ROBO2: variants seen among roughly 807,000 people sequenced by gnomAD.
The protein encoded by ROBO2 is roundabout guidance receptor 2.
In ROBO2, 53 loss-of-function variants were observed where a neutral mutation model predicts 160.8. The observed-to-expected ratio is 0.33, with a 90% CI of 0.26 to 0.41. The LOEUF is 0.41. Among genes scored for constraint, ROBO2 ranks in the 10% least tolerant of loss-of-function variants. The pLI is 1.00. For missense variants in ROBO2, 1,577 were observed against 1,722.4 expected (o/e 0.92, Z 1.49); for synonymous variants, 664 against 611.7 (o/e 1.09, Z -1.26).
chr3:75,938,925 T>A (rs902916516), intron 2 of ROBO2, among the ~76,000 whole-genome samples: 7 of 152,166 alleles, frequency 4.6e-5, no homozygotes, highest in African/African-American at 1.7e-4. Flanking sequence ...TAAAATATAT[T>A]TAATACACAT....
intron 2 of ROBO2, among the ~76,000 whole-genome samples, chr3:77,224,061 G>C (rs1280250330): frequency 6.6e-6 from 1 of 151,926 alleles, no homozygotes; most frequent in Non-Finnish European, 1.5e-5. Flanking sequence ...CCACTTCTAT[G>C]TTTTAAGGTA....
At chr3:76,059,264 C>G (rs1434793955) in intron 2 of ROBO2, among the ~76,000 whole-genome samples, 5 of 151,368 alleles carry the variant, frequency 3.3e-5, no homozygotes, top group Non-Finnish European at 5.9e-5. Flanking sequence ...ACAGTCCCAC[C>G]AACAGTGTAA....
intron 2 of ROBO2, among the ~76,000 whole-genome samples, chr3:77,421,675 A>C (rs1412110180): frequency 1.3e-5 from 2 of 152,134 alleles, no homozygotes; most frequent in East Asian, 3.8e-4. Flanking sequence ...TGAGCATAAT[A>C]GTGTTAAAAA....
At chr3:77,477,830 C>CTTTTTTTTTTTT (rs11371687) in intron 3 of ROBO2, among the ~76,000 whole-genome samples, 2 of 84,472 alleles carry the variant, frequency 2.4e-5, no homozygotes, top group East Asian at 4.0e-4. Context: ...TATTTTAGCT[C>CTTTTTTTTTTTT]TTTTTTTTTT....
chr3:76,422,262 C>T (rs551226848), intron 2 of ROBO2, among the ~76,000 whole-genome samples: 3 of 152,302 alleles, frequency 2.0e-5, no homozygotes, highest in South Asian at 2.1e-4. Flanking sequence ...ACTCTAGTCT[C>T]TCCCAAATGT....
intron 2 of ROBO2, among the ~76,000 whole-genome samples, chr3:77,290,207 T>G (rs1420711617): frequency 3.7e-3 from 368 of 99,302 alleles, no homozygotes; most frequent in Middle Eastern, 0.019. Context: ...AAACGGGTAA[T>G]CTGAGGCTAG....
At chr3:77,551,324 C>T (rs1359391094) in intron 8 of ROBO2, among the ~76,000 whole-genome samples, 1 of 151,974 alleles carries the variant, frequency 6.6e-6, no homozygotes, top group Non-Finnish European at 1.5e-5. Context: ...CTCTACTAGA[C>T]ATTAATAATT....
chr3:76,249,575 A>C (rs1705855311), intron 2 of ROBO2, among the ~76,000 whole-genome samples: 1 of 152,162 alleles, frequency 6.6e-6, no homozygotes, highest in Non-Finnish European at 1.5e-5. Context: ...GCAAGCAACT[A>C]AGTCATGTTT....
chr3:76,139,236 CT>C (rs1224393307), intron 2 of ROBO2, among the ~76,000 whole-genome samples: 7 of 152,110 alleles, frequency 4.6e-5, no homozygotes, highest in Admixed American at 6.6e-5. Context: ...CTGTAATATG[CT>C]TTGTATTTGT....
At chr3:76,463,055 G>A (rs1477478870) in intron 2 of ROBO2, among the ~76,000 whole-genome samples, 1 of 152,124 alleles carries the variant, frequency 6.6e-6, no homozygotes, top group Admixed American at 6.6e-5. Context: ...ATGACAGCAG[G>A]GAAGTGGAGG....
chr3:77,543,860 A>G (rs900580227), intron 6 of ROBO2, among the ~76,000 whole-genome samples: 3 of 152,304 alleles, frequency 2.0e-5, no homozygotes, highest in African/African-American at 7.2e-5. Context: ...AAATTAACTA[A>G]TCAGCTAAAT....
chr3:76,036,512 T>C (rs1342524625), intron 2 of ROBO2, among the ~76,000 whole-genome samples: 1 of 151,300 alleles, frequency 6.6e-6, no homozygotes, highest in Non-Finnish European at 1.5e-5. Context: ...CTCCCTTTTT[T>C]CTTTTTTTTG....
At chr3:76,097,574 G>C (rs2069505777) in intron 2 of ROBO2, among the ~76,000 whole-genome samples, 1 of 152,136 alleles carries the variant, frequency 6.6e-6, no homozygotes, top group Non-Finnish European at 1.5e-5. Context: ...TTAGCAAAGA[G>C]AGATAGAAAA....
At chr3:76,246,393 A>G (rs1028408620) in intron 2 of ROBO2, among the ~76,000 whole-genome samples, 2 of 152,144 alleles carry the variant, frequency 1.3e-5, no homozygotes, top group East Asian at 1.9e-4. Flanking sequence ...GAATGCAGAA[A>G]GGTTAATGGA....
intron 2 of ROBO2, among the ~76,000 whole-genome samples, chr3:77,193,461 T>TTTTTTG (rs1296731046): frequency 8.2e-4 from 122 of 148,414 alleles, no homozygotes; most frequent in Admixed American, 1.9e-3. Context: ...TTTTTTTTTT[T>TTTTTTG]TAAAGACAGG....
intron 2 of ROBO2, among the ~76,000 whole-genome samples, chr3:76,943,011 G>T (rs1197643782): frequency 6.6e-6 from 1 of 152,132 alleles, no homozygotes; most frequent in Admixed American, 6.5e-5. Context: ...CAAAAATATT[G>T]TGTAGAGAAA....
chr3:76,834,612 T>G (rs2067508160), intron 2 of ROBO2, among the ~76,000 whole-genome samples: 1 of 152,114 alleles, frequency 6.6e-6, no homozygotes, highest in African/African-American at 2.4e-5. Context: ...CCTCAAGTGA[T>G]CTGCCCACCT....
intron 2 of ROBO2, among the ~76,000 whole-genome samples, chr3:77,245,097 T>C (rs2089570811): frequency 6.6e-6 from 1 of 152,196 alleles, no homozygotes; most frequent in Admixed American, 6.5e-5. Context: ...TGCTGCATTT[T>C]AACAAGTTGG....
chr3:77,244,044 A>C (rs2089399483), intron 2 of ROBO2, among the ~76,000 whole-genome samples: 1 of 152,214 alleles, frequency 6.6e-6, no homozygotes. Flanking sequence ...GCTCAGAGCC[A>C]TAGTAGTAAA....
Sources: allele counts gnomAD v4.1 joint callset (sites outside exome capture counted in the v4.1 genomes callset), GRCh38; gene constraint gnomAD v4.1.1; transcripts MANE v1.5; gene names NCBI Gene and HGNC (gene_info 2026-07-23, HGNC 2026-07-21).